Variants in STYXL2 observed in about 807,000 individuals in gnomAD.
STYXL2 encodes the protein serine/threonine/tyrosine-interacting-like protein 2.
In STYXL2, 44 loss-of-function variants were observed where a neutral mutation model predicts 52.4. The observed-to-expected ratio is 0.84, with a 90% CI of 0.66 to 1.08. The LOEUF (loss-of-function observed/expected upper bound fraction) is 1.08. Ranked by LOEUF, STYXL2 falls within the 50% of genes least tolerant of loss-of-function variation. The pLI, the probability that STYXL2 is intolerant of heterozygous loss-of-function variation, is 0.00. For missense variants in STYXL2, 1,604 were observed against 1,471.7 expected, an observed-to-expected ratio of 1.09 and a Z score of -1.47; for synonymous variants, 604 against 586.9, an observed-to-expected ratio of 1.03 and a Z score of -0.42.
chr1:167,103,802 A>G (rs1218800680), intron 2 of STYXL2, among the ~76,000 whole-genome samples: 1 of 152,156 alleles, frequency 6.6e-6, no homozygotes, highest in Non-Finnish European at 1.5e-5. Flanking sequence ...AGGCCTTCCC[A>G]GTCACCTAAA....
At chr1:167,104,636 C>T (rs542931081) in intron 2 of STYXL2, among the ~76,000 whole-genome samples, 1 of 152,286 alleles carries the variant, frequency 6.6e-6, no homozygotes, top group South Asian at 2.1e-4. Context: ...TTCACTAAGC[C>T]TGTTGGAAGC....
rs1459837198 is a variant in STYXL2 at position 167,126,233 on chromosome 1, G to A, written c.1102G>A (p.Asp368Asn). ...QGLLSDKVPQ[D>N]GGGWRSASSG... is the part of the protein sequence containing the mutation. ...CCTCCTCTCAGACAAGGTCCCCCAG[G>A]ATGGAGGTGGCTGGCGCTCAGCCTC... is the stretch of plus-strand genomic sequence containing the variant. The change falls in exon 6 of 6, where the codon GAT becomes AAT. Residue 368 changes from aspartate (D) to asparagine (N), a missense_variant. Physicochemically the swap from Asp to Asn is conservative, Grantham distance 23. Transcript: ENST00000361200. 10 of 1,547,482 alleles carry A rather than the reference G, an allele frequency of 6.5e-6. No homozygotes were observed. The highest frequency in any genetic ancestry group is 8.7e-6 in the Non-Finnish European group (10 of 1,151,836).
intron 2 of STYXL2, among the ~76,000 whole-genome samples, chr1:167,100,893 C>T (rs937600824): frequency 2.6e-5 from 4 of 152,202 alleles, no homozygotes; most frequent in African/African-American, 7.2e-5. Context: ...CCACAATGGC[C>T]TCATAAAATC....
chr1:167,101,786 G>A lies in STYXL2; in HGVS notation c.110+6827G>A, dbSNP rs1234336391. On this transcript the variant is annotated intron_variant, in intron 2 of 5. Coordinates refer to ENST00000361200, the MANE Select transcript of STYXL2 (RefSeq NM_001080426.3). ...ACTGCACTTCAGCCTAGGCAACAGA[G>A]TGACAGTCCATCTCAAAAAAGAAAA... Among the ~76,000 whole-genome samples, 4 of 146,108 alleles carry A rather than the reference G, an allele frequency of 2.7e-5. No individual in the cohort carries two copies. In the East Asian group the frequency reaches 7.9e-4, roughly 29 times the overall value.
chr1:167,096,423 G>A (rs1571328398), intron 2 of STYXL2, among the ~76,000 whole-genome samples: 1 of 151,188 alleles, frequency 6.6e-6, no homozygotes, highest in South Asian at 2.1e-4. Context: ...TAAGAGTAAT[G>A]CTAGCTATTA....
At chr1:167,121,442 G>A (rs1237012954) in intron 5 of STYXL2, among the ~76,000 whole-genome samples, 1 of 152,260 alleles carries the variant, frequency 6.6e-6, no homozygotes, top group East Asian at 1.9e-4. Flanking sequence ...AGACCTCGAG[G>A]CGGAGCGGGT....
chr1:167,120,243 A>G (rs2102242143), intron 5 of STYXL2, among the ~76,000 whole-genome samples: 1 of 152,266 alleles, frequency 6.6e-6, no homozygotes, highest in African/African-American at 2.4e-5. Context: ...CAGGGAGGAG[A>G]GGTGGAGCCC....
Position 167,126,637 on chromosome 1 carries a change from G to T in STYXL2, c.1506G>T (p.Glu502Asp). ...GGTACCACGCCAAGAGCAAGAGAGA[G>T]GAGGCGGCAGACAGGAGCTCAGAAG... ...SRRYHAKSKR[E>D]EAADRSSEAG... is the part of the protein sequence containing the mutation. Residue 502 changes from glutamate (E) to aspartate (D), a missense_variant, in exon 6 of 6, where the codon GAG becomes GAT. Physicochemically the swap from Glu to Asp is conservative, Grantham distance 45. Transcript: ENST00000361200. 1 of 1,614,140 alleles carries T rather than the reference G, an allele frequency of 6.2e-7. No homozygotes were observed. Among genetic ancestry groups the T allele is most frequent in the South Asian group, 1.1e-5 (1 of 91,084 alleles).
chr1:167,118,385 G>T lies in STYXL2; in HGVS notation c.437+826G>T, dbSNP rs1421134536. Among the ~76,000 whole-genome samples, 4 of 152,196 alleles carry T rather than the reference G, an allele frequency of 2.6e-5. No individual in the cohort carries two copies. In the East Asian group the frequency reaches 5.8e-4, roughly 22 times the overall value. ...AATTATCCAGATATCCAGAAGCAAA[G>T]GAGGAAATTTGGCCTCAGGGGAGGG... On this transcript the variant is annotated intron_variant, in intron 4 of 5. Transcript: ENST00000361200.
intron 2 of STYXL2, among the ~76,000 whole-genome samples, chr1:167,099,982 G>T (rs1018160634): frequency 6.6e-6 from 1 of 152,220 alleles, no homozygotes; most frequent in Non-Finnish European, 1.5e-5. Context: ...GAATACCTGA[G>T]ACTGGGTAAT....
chr1:167,097,531 T>C (rs1467250639), intron 2 of STYXL2, among the ~76,000 whole-genome samples: 1 of 152,156 alleles, frequency 6.6e-6, no homozygotes, highest in Non-Finnish European at 1.5e-5. Context: ...TGTTGTAATT[T>C]GTAGTGTAAT....
Position 167,128,180 on chromosome 1 carries a change from G to A in STYXL2, c.3049G>A (p.Glu1017Lys). 1 of 1,614,242 alleles carries A rather than the reference G, an allele frequency of 6.2e-7. No homozygotes were observed. Among genetic ancestry groups the A allele is most frequent in the Non-Finnish European group, 8.5e-7 (1 of 1,180,046 alleles). Residue 1017 changes from glutamate to lysine, a missense_variant, in exon 6 of 6, where the codon GAG (glutamate) becomes AAG (lysine). Physicochemically the swap from Glu to Lys is moderately conservative, Grantham distance 56 (BLOSUM62 1). Transcript: ENST00000361200. The part of the protein sequence containing the change: ...FSSSSTREGR[E>K]MHKFSRSTYN... The stretch of plus-strand genomic sequence containing the variant: ...ATCTTCCTCCACCAGGGAGGGCAGA[G>A]AGATGCACAAGTTCTCCAGGTCCAC...
At position 167,127,882 on chromosome 1, in the gene STYXL2, C is replaced by G; in HGVS notation, c.2751C>G (p.Val917=). 3.7e-6 allele frequency: 6 copies of G among 1,614,110 alleles called. No homozygotes were observed. The highest frequency in any genetic ancestry group is 5.1e-6 in the Non-Finnish European group (6 of 1,180,036). The change falls in exon 6 of 6, where the codon GTC becomes GTG. Residue 917 remains valine, a synonymous_variant. Coordinates refer to ENST00000361200, the MANE Select transcript of STYXL2 (RefSeq NM_001080426.3). ...PETDTCSSLA[V]CDHYASGSRV... ...CAGACACATGCTCCTCCCTGGCTGT[C>G]TGTGATCACTATGCAAGTGGCAGCA...
intron 2 of STYXL2, among the ~76,000 whole-genome samples, chr1:167,112,884 A>G (rs1197395252): frequency 3.3e-5 from 5 of 152,198 alleles, no homozygotes; most frequent in African/African-American, 1.2e-4. Flanking sequence ...CTAAGCAGAA[A>G]AAAGAAAATG....
At chr1:167,105,676 C>T (rs1262046231) in intron 2 of STYXL2, among the ~76,000 whole-genome samples, 1 of 152,182 alleles carries the variant, frequency 6.6e-6, no homozygotes, top group Non-Finnish European at 1.5e-5. Flanking sequence ...TAGGTCTTGC[C>T]CCCACACCTT....
At chr1:167,113,445 C>T (rs188014859) in intron 2 of STYXL2, among the ~76,000 whole-genome samples, 20 of 152,340 alleles carry the variant, frequency 1.3e-4, no homozygotes, top group East Asian at 3.9e-4. Flanking sequence ...CGTAGATGTA[C>T]GCTCTTGCCT....
Position 167,117,401 on chromosome 1 carries a change from G to A in STYXL2, c.279G>A (p.Val93=). 3 of 1,612,838 alleles carry A rather than the reference G, an allele frequency of 1.9e-6. No homozygotes were observed. Among genetic ancestry groups the A allele is most frequent in the Non-Finnish European group, 2.5e-6 (3 of 1,179,506 alleles). ...GMLESAEQLL[V]EDLYNRVREK... is the part of the protein sequence containing the mutation. The stretch of plus-strand genomic sequence containing the variant: ...TGGAGTCTGCTGAACAGCTGCTGGT[G>A]GAGGACCTGTACAACCGCGTCAGGG... Residue 93 remains valine (V), a synonymous_variant, in exon 4 of 6, where the codon GTG becomes GTA. Transcript: ENST00000361200.
rs79995360 is a variant in STYXL2 at position 167,127,557 on chromosome 1, C to T, written c.2426C>T (p.Ala809Val). 4.2e-4 allele frequency: 685 copies of T among 1,614,016 alleles called. 9 individuals are homozygous for T. The East Asian group carries it at 0.015, about 35-fold the overall frequency. Residue 809 changes from alanine (A) to valine (V), a missense_variant, in exon 6 of 6, where the codon GCG (alanine) becomes GTG (valine). Physicochemically the swap from Ala to Val is moderately conservative, Grantham distance 64. Transcript: ENST00000361200. ...TGCAACACCACACTGAGCTCACCCG[C>T]GGAAAGTTGCAGAAGCAAAGTGAGG... is the stretch of plus-strand genomic sequence containing the variant. ...LSCNTTLSSP[A>V]ESCRSKVRGT...
intron 2 of STYXL2, among the ~76,000 whole-genome samples, chr1:167,105,814 A>C (rs1667496645): frequency 6.6e-6 from 1 of 152,200 alleles, no homozygotes; most frequent in African/African-American, 2.4e-5. Flanking sequence ...CACACTGGGT[A>C]ATACGGAGCA....
Sources: gnomAD v4.1 joint callset for allele counts (sites outside exome capture counted in the v4.1 genomes callset) on GRCh38, gnomAD v4.1.1 for gene constraint, MANE v1.5 for transcripts, NCBI Gene and HGNC (gene_info 2026-07-23, HGNC 2026-07-21) for gene names.